VRK2: variants seen among roughly 807,000 people sequenced by gnomAD.
The protein encoded by VRK2 is VRK serine/threonine kinase 2, also known as serine/threonine-protein kinase VRK2.
In VRK2, 60 loss-of-function variants were observed where a neutral mutation model predicts 57.6. The ratio of observed to expected loss-of-function variants is 1.04; its 90% CI spans 0.85 to 1.29. VRK2 has a LOEUF of 1.29. Ranked by LOEUF, VRK2 falls within the 50% of genes most tolerant of loss-of-function variation. The pLI is 0.00. For missense variants in VRK2, 705 were observed against 588.1 expected (o/e 1.20, Z -2.06); for synonymous variants, 231 against 199.2 (o/e 1.16, Z -1.35).
chr2:57,989,837 A>G (rs1285308527), intron 1 of VRK2, among the ~76,000 whole-genome samples: 1 of 152,226 alleles, frequency 6.6e-6, no homozygotes, highest in Admixed American at 6.5e-5. Context: ...TAAGAAAAAT[A>G]TATCTGAAAT....
upstream of VRK2, among the ~76,000 whole-genome samples, chr2:58,043,936 T>C (rs989017752): frequency 1.3e-5 from 2 of 152,200 alleles, no homozygotes; most frequent in African/African-American, 4.8e-5. Context: ...AAATTGTCAA[T>C]TTCTTCTTTT....
At chr2:57,975,105 T>G (rs1191823473) in intron 1 of VRK2, among the ~76,000 whole-genome samples, 1 of 152,020 alleles carries the variant, frequency 6.6e-6, no homozygotes, top group Non-Finnish European at 1.5e-5. Flanking sequence ...CATCATATTT[T>G]AGACCATAGA....
chr2:58,089,694 C>T lies in VRK2; in HGVS notation c.514C>T (p.Leu172=). The T allele has an allele frequency of 6.2e-7, 1 of 1,608,982 alleles. No homozygotes were observed. Among genetic ancestry groups the T allele is most frequent in the South Asian group, 1.1e-5 (1 of 90,574 alleles). ...YVHGDIKAAN[L]LLGYKNPDQV... is the part of the protein sequence containing the mutation. ...TCATGGTGATATAAAAGCAGCAAATCTACTTTTGGGTTACAAAAATCCAGA... is the reference window on the plus strand; with the variant it reads ...TCATGGTGATATAAAAGCAGCAAATTTACTTTTGGGTTACAAAAATCCAGA... The change falls in exon 7 of 13, where the codon CTA becomes TTA. Residue 172 remains leucine, a synonymous_variant. Transcript: ENST00000340157.
intron 1 of VRK2, among the ~76,000 whole-genome samples, chr2:57,984,986 A>AG (rs1333354637): frequency 6.6e-6 from 1 of 151,950 alleles, no homozygotes; most frequent in Non-Finnish European, 1.5e-5. Flanking sequence ...AAATGTTATG[A>AG]GGGGGATTAA....
In VRK2 at chr2:58,048,457, G is replaced by A. The variant is rs545280980; in HGVS notation, c.-5-370G>A. On this transcript the variant is annotated intron_variant, in intron 1 of 12. Coordinates refer to ENST00000340157, the MANE Select transcript of VRK2 (RefSeq NM_006296.7). ...TTAACATTTTACATTCTCAGTGACA[G>A]CAATATTTCCATGTACATGAAATTT... 3.6e-6 allele frequency: 3 copies of A among 838,658 alleles called. No individual in the cohort carries two copies. The South Asian group carries it at 5.0e-5, about 14-fold the overall frequency. 52.0% of individuals were successfully genotyped at this position (838,658 alleles called of 1,614,324 possible).
intron 1 of VRK2, among the ~76,000 whole-genome samples, chr2:57,955,342 A>G (rs1471750077): frequency 6.8e-6 from 1 of 147,310 alleles, no homozygotes; most frequent in Non-Finnish European, 1.5e-5. Flanking sequence ...AATATATGCA[A>G]ACACATATAT....
intron 1 of VRK2, among the ~76,000 whole-genome samples, chr2:58,000,617 C>T (rs978623998): frequency 6.6e-6 from 1 of 152,066 alleles, no homozygotes; most frequent in African/African-American, 2.4e-5. Context: ...GCTTTGGGGA[C>T]ATTAAGGCCA....
At chr2:57,945,166 C>T (rs1671222745) in intron 1 of VRK2, among the ~76,000 whole-genome samples, 1 of 152,062 alleles carries the variant, frequency 6.6e-6, no homozygotes, top group Non-Finnish European at 1.5e-5. Context: ...TCAAGTAGGT[C>T]AATAAAAGAC....
chr2:58,077,332 A>C (rs1670256772), intron 2 of VRK2, among the ~76,000 whole-genome samples: 1 of 152,014 alleles, frequency 6.6e-6, no homozygotes, highest in South Asian at 2.1e-4. Flanking sequence ...TCGGATTCTT[A>C]ATTTGTTGAA....
intron 1 of VRK2, among the ~76,000 whole-genome samples, chr2:57,936,792 C>G (rs553064585): frequency 6.6e-6 from 1 of 152,010 alleles, no homozygotes; most frequent in African/African-American, 2.4e-5. Flanking sequence ...GAATATTAAA[C>G]TCTCAATAAA....
At chr2:58,137,005 A>G (rs1291909523) in intron 10 of VRK2, among the ~76,000 whole-genome samples, 9 of 131,668 alleles carry the variant, frequency 6.8e-5, no homozygotes, top group Non-Finnish European at 1.2e-4. Context: ...TATATCATAT[A>G]TATTATATAT....
chr2:58,153,155 A>G (rs72953132), intron 12 of VRK2, among the ~76,000 whole-genome samples: 4,822 of 152,060 alleles, frequency 0.032, 270 homozygotes, highest in African/African-American at 0.11. Context: ...AAATCTTATG[A>G]TATGTAACTT....
chr2:57,960,741 A>C (rs1208902458), intron 1 of VRK2, among the ~76,000 whole-genome samples: 1 of 152,188 alleles, frequency 6.6e-6, no homozygotes, highest in Non-Finnish European at 1.5e-5. Flanking sequence ...GAAGAAATGA[A>C]ATTAAATACA....
chr2:57,937,880 G>A (rs1670967083), intron 1 of VRK2, among the ~76,000 whole-genome samples: 1 of 142,366 alleles, frequency 7.0e-6, no homozygotes. Context: ...CTCCTAGGCT[G>A]GAGTGCAATG....
At position 58,089,536 on chromosome 2, in the gene VRK2, A is replaced by G. The variant is rs537833855; in HGVS notation, c.451-95A>G. On this transcript the variant is annotated intron_variant, in intron 6 of 12. Coordinates refer to ENST00000340157, the MANE Select transcript of VRK2 (RefSeq NM_006296.7). ...AATACATCGCTTTGTCAATGTTAAT[A>G]TGAAAAAACCCATGTTATTCTATAT... 1.8e-5 allele frequency: 12 copies of G among 663,142 alleles called. 1 individual carries two copies. The South Asian group carries it at 3.3e-4, about 18-fold the overall frequency. The allele number at this position is 663,142 out of a possible 1,614,324, so 41.1% of individuals were successfully genotyped here.
chr2:58,123,269 A>G, intron 8 of VRK2, 36 bp downstream of exon 8: 1 of 1,569,848 alleles, frequency 6.4e-7, no homozygotes, highest in Non-Finnish European at 8.6e-7. Flanking sequence ...TTTTTATTTC[A>G]GAAGAATGAT....
intron 12 of VRK2, among the ~76,000 whole-genome samples, chr2:58,158,432 A>G (rs897991294): frequency 6.6e-6 from 1 of 152,130 alleles, no homozygotes; most frequent in African/African-American, 2.4e-5. Flanking sequence ...CTCCTTTCTG[A>G]CACTTCCAAA....
At chr2:58,011,824 ACT>A (rs1558539460) in intron 1 of VRK2, among the ~76,000 whole-genome samples, 3 of 152,022 alleles carry the variant, frequency 2.0e-5, no homozygotes, top group Admixed American at 2.0e-4. Flanking sequence ...ACTAAATATC[ACT>A]CTGTGAAAAA....
intron 1 of VRK2, among the ~76,000 whole-genome samples, chr2:57,944,491 C>T (rs1257863302): frequency 6.6e-6 from 1 of 152,228 alleles, no homozygotes; most frequent in Non-Finnish European, 1.5e-5. Flanking sequence ...AATCCCAACA[C>T]TTCGGGAGGC....
Sources: allele counts gnomAD v4.1 joint callset (sites outside exome capture counted in the v4.1 genomes callset), GRCh38; gene constraint gnomAD v4.1.1; transcripts MANE v1.5; gene names NCBI Gene and HGNC (gene_info 2026-07-23, HGNC 2026-07-21).